The following PTBP3 variants were observed in gnomAD, a reference collection of about 807,000 sequenced individuals.
PTBP3 encodes the protein polypyrimidine tract-binding protein 3.
PTBP3 carries 20 observed loss-of-function variants against 58.7 expected under a neutral mutation model. The ratio of observed to expected loss-of-function variants is 0.34; its 90% CI spans 0.24 to 0.50. The LOEUF (loss-of-function observed/expected upper bound fraction) is 0.50, where lower values mean the gene tolerates loss of function less well. PTBP3 is among the 20% of genes least tolerant of loss of function. The probability of loss-of-function intolerance (pLI) is 0.98; values close to 1 mark genes in which losing one functional copy is unlikely to be tolerated. For missense variants in PTBP3, 509 were observed against 637.2 expected (o/e 0.80, Z 2.17); for synonymous variants, 185 against 219.8 (o/e 0.84, Z 1.40).
chr9:112,286,266 T>C (rs1029603866), intron 2 of PTBP3, among the ~76,000 whole-genome samples: 5 of 152,246 alleles, frequency 3.3e-5, no homozygotes, highest in Non-Finnish European at 5.9e-5. Context: ...AATCTTTTAA[T>C]TGAATTTTTT....
At chr9:112,287,344 T>G (rs1343307191) in intron 2 of PTBP3, among the ~76,000 whole-genome samples, 4 of 142,762 alleles carry the variant, frequency 2.8e-5, no homozygotes, top group South Asian at 2.3e-4. Flanking sequence ...GTTTTTTGTT[T>G]TTTTTTTTTT....
At chr9:112,224,067 A>G (rs1834893414) in intron 13 of PTBP3, 66 bp downstream of exon 13, 2 of 1,550,274 alleles carry the variant, frequency 1.3e-6, no homozygotes, top group African/African-American at 2.8e-5. Flanking sequence ...ACTTCACTGA[A>G]CTACCTTTAA....
At chr9:112,307,892 T>C (rs1354961824) in intron 1 of PTBP3, among the ~76,000 whole-genome samples, 1 of 152,242 alleles carries the variant, frequency 6.6e-6, no homozygotes, top group African/African-American at 2.4e-5. Flanking sequence ...CAGGATGGCT[T>C]TGAGTGCCGC....
At chr9:112,246,666 C>G (rs1025256825) in intron 7 of PTBP3, among the ~76,000 whole-genome samples, 1 of 149,760 alleles carries the variant, frequency 6.7e-6, no homozygotes, top group Non-Finnish European at 1.5e-5. Context: ...GCACTCCAGC[C>G]TGGGCAACAG....
At chr9:112,253,051 A>G (rs1483496344) in intron 5 of PTBP3, among the ~76,000 whole-genome samples, 1 of 152,204 alleles carries the variant, frequency 6.6e-6, no homozygotes, top group East Asian at 1.9e-4. Context: ...GGAGACTACA[A>G]TAATCAATGG....
chr9:112,251,222 C>G (rs963616822), intron 6 of PTBP3, 119 bp from the exon 7 acceptor site: 10 of 749,800 alleles, frequency 1.3e-5, no homozygotes, highest in Non-Finnish European at 1.6e-5. Flanking sequence ...ACTAAAAAGC[C>G]AAAGTCTTGG....
chr9:112,227,743 T>G (rs1294211207), intron 11 of PTBP3, 116 bp from the exon 12 acceptor site: 11 of 807,254 alleles, frequency 1.4e-5, no homozygotes, highest in Non-Finnish European at 2.2e-5. Context: ...TATTATCAGT[T>G]TGAGGGTGAA....
chr9:112,265,443 GGGGATGGGAGCAGAGGTTGCAGT>G (rs1836761859), intron 4 of PTBP3, among the ~76,000 whole-genome samples: 2 of 121,282 alleles, frequency 1.6e-5, no homozygotes, highest in Non-Finnish European at 3.4e-5. Context: ...GCGGGGGGTG[GGGGATGGGAGCAGAGGTTGCAGT>G]GAGCCGAGAT....
intron 11 of PTBP3, 123 bp from the exon 12 acceptor site, chr9:112,227,750 T>C (rs1392676761): frequency 1.3e-6 from 1 of 748,644 alleles, no homozygotes; most frequent in Non-Finnish European, 2.2e-6. Flanking sequence ...AGTTTGAGGG[T>C]GAAAAGGGTT....
At chr9:112,374,391 C>T in the PTBP3 span, among the ~76,000 whole-genome samples, 6 of 152,158 alleles carry the variant, frequency 3.9e-5, no homozygotes, top group South Asian at 2.1e-4. Context: ...GATCATTGGG[C>T]GTTACGGTAA....
rs116031910 is a variant in PTBP3, at chr9:112,314,098, T to C, written c.-51-16182A>G. Among the ~76,000 whole-genome samples, 287 of 152,316 alleles carry C rather than the reference T, an allele frequency of 1.9e-3. 2 individuals are homozygous for C. Among genetic ancestry groups the C allele is most frequent in the African/African-American group, 6.7e-3 (278 of 41,568 alleles). On this transcript the variant is annotated intron_variant, in intron 1 of 13. Transcript: ENST00000374257. The stretch of plus-strand genomic sequence containing the variant: ...ATACAGCAGGATGTGCTATAAGTTA[T>C]ATGCAAATACTGCTCTCTTTATATA...
intron 3 of PTBP3, among the ~76,000 whole-genome samples, chr9:112,275,263 G>A (rs1827561581): frequency 6.6e-6 from 1 of 151,994 alleles, no homozygotes; most frequent in Admixed American, 6.6e-5. Flanking sequence ...AGCCTCCCAA[G>A]TAGCTGGGAT....
At chr9:112,288,991 CCAA>C (rs1205011094) in intron 2 of PTBP3, among the ~76,000 whole-genome samples, 3 of 152,108 alleles carry the variant, frequency 2.0e-5, no homozygotes, top group Non-Finnish European at 4.4e-5. Context: ...AATTTGTTTT[CCAA>C]CGTTTGTTTT....
chr9:112,309,364 TG>T (rs1325024050), intron 1 of PTBP3, among the ~76,000 whole-genome samples: 1 of 152,216 alleles, frequency 6.6e-6, no homozygotes, highest in Non-Finnish European at 1.5e-5. Flanking sequence ...GATATTGATA[TG>T]GAGTTTCACT....
At chr9:112,355,547 T>C in the PTBP3 span, among the ~76,000 whole-genome samples, 9 of 152,232 alleles carry the variant, frequency 5.9e-5, no homozygotes, top group Non-Finnish European at 1.3e-4. Flanking sequence ...AAGACCCGTC[T>C]TCTTTTGTTT....
intron 2 of PTBP3, among the ~76,000 whole-genome samples, chr9:112,281,498 T>G (rs1827865293): frequency 6.6e-6 from 1 of 152,138 alleles, no homozygotes; most frequent in Non-Finnish European, 1.5e-5. Flanking sequence ...CTAAACATTT[T>G]TATGTCAATA....
At chr9:112,242,695 T>A (rs1414255754) in intron 7 of PTBP3, 1 of 152,302 alleles carries the variant, frequency 6.6e-6, no homozygotes, top group Non-Finnish European at 1.5e-5. Flanking sequence ...CTTGTGGACC[T>A]CCTCTCCTGG....
chr9:112,245,766 AG>A (rs1835851130), intron 7 of PTBP3, among the ~76,000 whole-genome samples: 1 of 152,186 alleles, frequency 6.6e-6, no homozygotes, highest in African/African-American at 2.4e-5. Context: ...GCATGTCAAA[AG>A]GCCACAGAGC....
the PTBP3 span, among the ~76,000 whole-genome samples, chr9:112,351,461 C>G: frequency 6.6e-6 from 1 of 152,194 alleles, no homozygotes; most frequent in Non-Finnish European, 1.5e-5. Context: ...CTGAGGTAGT[C>G]TGTCAATTTT....
Sources: allele counts gnomAD v4.1 joint callset (sites outside exome capture counted in the v4.1 genomes callset), GRCh38; gene constraint gnomAD v4.1.1; transcripts MANE v1.5; gene names NCBI Gene and HGNC (gene_info 2026-07-23, HGNC 2026-07-21).